Variants in FBLN7 observed in about 807,000 individuals in gnomAD.
The protein encoded by FBLN7 is fibulin-7.
A neutral mutation model predicts 44.0 loss-of-function variants in FBLN7; 31 were observed. The observed-to-expected ratio is 0.70, with a 90% CI of 0.53 to 0.95. The LOEUF (loss-of-function observed/expected upper bound fraction) is 0.95, where lower values mean the gene tolerates loss of function less well. Ranked by LOEUF, FBLN7 falls within the 40% of genes least tolerant of loss-of-function variation. The pLI, the probability that FBLN7 is intolerant of heterozygous loss-of-function variation, is 0.00. For synonymous variants in FBLN7, 262 were observed against 253.4 expected, an observed-to-expected ratio of 1.03 and a Z score of -0.32; for missense variants, 573 against 618.5, an observed-to-expected ratio of 0.93 and a Z score of 0.78.
chr2:112,239,827 C>G, the FBLN7 span, among the ~76,000 whole-genome samples: 1 of 152,120 alleles, frequency 6.6e-6, no homozygotes, highest in Admixed American at 6.5e-5. Context: ...TCAAGTGATC[C>G]GCCTGCCTCG....
intron 6 of FBLN7, 87 bp from the exon 7 acceptor site, chr2:112,185,114 A>C (rs571118885): frequency 1.3e-6 from 2 of 1,526,420 alleles, no homozygotes; most frequent in Non-Finnish European, 1.8e-6. Context: ...ACCACATTAC[A>C]GGACCTGCAG....
chr2:112,186,313 A>C (rs1683265046), intron 7 of FBLN7, among the ~76,000 whole-genome samples: 1 of 152,190 alleles, frequency 6.6e-6, no homozygotes, highest in Admixed American at 6.5e-5. Flanking sequence ...CTCTTTCCAA[A>C]TGATTAAGGA....
the FBLN7 span, among the ~76,000 whole-genome samples, chr2:112,199,317 T>C: frequency 6.6e-6 from 1 of 152,182 alleles, no homozygotes; most frequent in African/African-American, 2.4e-5. Context: ...ATTTCTCTCA[T>C]CGTCACTTTT....
At chr2:112,144,811 C>T (rs933063486) in intron 1 of FBLN7, among the ~76,000 whole-genome samples, 9 of 152,218 alleles carry the variant, frequency 5.9e-5, no homozygotes, top group African/African-American at 2.2e-4. Flanking sequence ...AGGCGTGAGC[C>T]ACCGTGCCTG....
At chr2:112,233,181 G>A in the FBLN7 span, 3 of 873,264 alleles carry the variant, frequency 3.4e-6, no homozygotes, top group South Asian at 3.9e-5. Context: ...CTAAAACACT[G>A]GTTTCATTAA....
the FBLN7 span, among the ~76,000 whole-genome samples, chr2:112,194,173 TG>T: frequency 2.0e-5 from 3 of 152,136 alleles, no homozygotes; most frequent in African/African-American, 7.2e-5. Context: ...GACCGATAAC[TG>T]GAACATCTAC....
At position 112,165,029 on chromosome 2, in the gene FBLN7, A is replaced by G. The variant is rs780998430; in HGVS notation, c.264A>G (p.Ala88=). The G allele has an allele frequency of 1.4e-5, 23 of 1,614,150 alleles. No individual in the cohort carries two copies. The highest frequency in any genetic ancestry group is 1.9e-5 in the Non-Finnish European group (23 of 1,180,034). Residue 88 remains alanine (A), a synonymous_variant, in exon 3 of 8, where the codon GCA becomes GCG. Coordinates refer to ENST00000331203, the MANE Select transcript of FBLN7 (RefSeq NM_153214.3). ...CCTGCCCGGCTCTGAACACCCCCGCAGACGGCAGAAAGTTTGGAAGCAAGT... is the reference window on the plus strand; with the variant it reads ...CCTGCCCGGCTCTGAACACCCCCGCGGACGGCAGAAAGTTTGGAAGCAAGT... ...PVSCPALNTP[A]DGRKFGSKYL... is the part of the protein sequence containing the mutation.
downstream of FBLN7, among the ~76,000 whole-genome samples, chr2:112,191,992 A>T (rs1683505546): frequency 6.6e-6 from 1 of 152,178 alleles, no homozygotes; most frequent in Non-Finnish European, 1.5e-5. Flanking sequence ...TAAGCAATAT[A>T]AACAAATGAT....
rs1558895507 is a variant in FBLN7, at chr2:112,182,793, G to A, written c.673G>A (p.Val225Met). Residue 225 changes from valine to methionine, a missense_variant and splice_region_variant, in exon 6 of 8, where the codon GTG becomes ATG. Physicochemically the swap from Val to Met is conservative, Grantham distance 21 (BLOSUM62 1). Transcript: ENST00000331203. ...ACAGTGAGCACTTCTGTCTGCAGAC[G>A]TGAACGAGTGTGAGCTCTACGGGCA... ...GAAGDSVCQD[V>M]NECELYGQEG... The A allele has an allele frequency of 5.0e-6, 8 of 1,598,366 alleles. No homozygotes were observed. The highest frequency in any genetic ancestry group is 1.8e-5 in the Admixed American group (1 of 57,058).
intron 2 of FBLN7, among the ~76,000 whole-genome samples, chr2:112,160,722 GCACA>G (rs1558879813): frequency 4.7e-5 from 5 of 106,090 alleles, no homozygotes; most frequent in Admixed American, 1.9e-4. Context: ...ACAAGCACGC[GCACA>G]CGCACGCACA....
At chr2:112,203,804 GA>G in the FBLN7 span, among the ~76,000 whole-genome samples, 1 of 152,302 alleles carries the variant, frequency 6.6e-6, no homozygotes, top group South Asian at 2.1e-4. Flanking sequence ...AGTGGCAAGA[GA>G]AAATGAGGAA....
In FBLN7 at chr2:112,160,854, A is replaced by ACACG. The variant is rs1346172807; in HGVS notation, c.235+1022_235+1023insGCAC. Among the ~76,000 whole-genome samples the ACACG allele has an allele frequency of 2.6e-4, 40 of 151,636 alleles. No individual in the cohort carries two copies. In the South Asian group the frequency reaches 8.1e-3, roughly 31 times the overall value. ...CATACACGCACGCACACGCGCACACACACACACACACACTCAGCCCGAGCC... is the reference window on the plus strand; with the variant it reads ...CATACACGCACGCACACGCGCACACACACGCACACACACACACTCAGCCCGAGCC... On this transcript the variant is annotated intron_variant, in intron 2 of 7. Transcript: ENST00000331203.
intron 1 of FBLN7, among the ~76,000 whole-genome samples, chr2:112,141,797 T>G (rs1573755295): frequency 1.3e-5 from 2 of 152,194 alleles, no homozygotes; most frequent in Admixed American, 1.3e-4. Context: ...GGGAATGAGG[T>G]AAACACCTGT....
the FBLN7 span, among the ~76,000 whole-genome samples, chr2:112,235,186 G>T: frequency 4.0e-4 from 61 of 152,182 alleles, no homozygotes; most frequent in Non-Finnish European, 6.6e-4. Flanking sequence ...AATACAGTAT[G>T]TACAAACAAG....
chr2:112,164,879 G>A, intron 2 of FBLN7, 122 bp from the exon 3 acceptor site: 2 of 1,091,204 alleles, frequency 1.8e-6, no homozygotes, highest in Non-Finnish European at 2.7e-6. Flanking sequence ...CCAGCACAGT[G>A]CACAGCCTGC....
chr2:112,201,483 C>T, the FBLN7 span, among the ~76,000 whole-genome samples: 1 of 152,232 alleles, frequency 6.6e-6, no homozygotes, highest in African/African-American at 2.4e-5. Flanking sequence ...AAGGCCTGCA[C>T]ATCTTATTTG....
chr2:112,218,703 GTGTTAATCGAC>G, the FBLN7 span, among the ~76,000 whole-genome samples: 2 of 152,154 alleles, frequency 1.3e-5, no homozygotes. Context: ...GTCTACTTAT[GTGTTAATCGAC>G]TGTTTATGTT....
intron 1 of FBLN7, among the ~76,000 whole-genome samples, chr2:112,141,417 C>T (rs1052818074): frequency 6.6e-6 from 1 of 152,206 alleles, no homozygotes; most frequent in African/African-American, 2.4e-5. Context: ...TGCCCATGGC[C>T]ACCTAGAGGC....
intron 1 of FBLN7, chr2:112,152,970 T>C (rs1433020965): frequency 6.6e-6 from 1 of 152,188 alleles, no homozygotes; most frequent in African/African-American, 2.4e-5. Context: ...ATATATAATA[T>C]ATATCTCTTT....
Sources: allele counts gnomAD v4.1 joint callset (sites outside exome capture counted in the v4.1 genomes callset), GRCh38; gene constraint gnomAD v4.1.1; transcripts MANE v1.5; gene names NCBI Gene and HGNC (gene_info 2026-07-23, HGNC 2026-07-21).